IRAK1BP1: variants seen among roughly 807,000 people sequenced by gnomAD.
IRAK1BP1 encodes the protein interleukin 1 receptor associated kinase 1 binding protein 1, also known as interleukin-1 receptor-associated kinase 1-binding protein 1.
Under a neutral mutation model 28.0 loss-of-function variants are expected in IRAK1BP1, and 24 were observed. That is an observed-to-expected ratio of 0.86 (90% CI 0.62 to 1.20). The LOEUF (loss-of-function observed/expected upper bound fraction) is 1.20, where lower values mean the gene tolerates loss of function less well. Among genes scored for constraint, IRAK1BP1 ranks in the 50% most tolerant of loss-of-function variants. The probability of loss-of-function intolerance (pLI) is 0.00; values close to 1 mark genes in which losing one functional copy is unlikely to be tolerated. For missense variants in IRAK1BP1, 336 were observed against 316.7 expected (o/e 1.06, Z -0.46); for synonymous variants, 131 against 116.3 (o/e 1.13, Z -0.81).
the IRAK1BP1 span, among the ~76,000 whole-genome samples, chr6:78,975,536 G>A: frequency 6.6e-6 from 1 of 151,886 alleles, no homozygotes; most frequent in African/African-American, 2.4e-5. Flanking sequence ...CAATTAGGCA[G>A]GAGAAGGAAA....
the IRAK1BP1 span, among the ~76,000 whole-genome samples, chr6:78,976,062 GC>G: frequency 6.6e-6 from 1 of 151,914 alleles, no homozygotes; most frequent in Non-Finnish European, 1.5e-5. Flanking sequence ...GGCCCGCATT[GC>G]CAAGTCAATC....
At chr6:78,935,694 C>T in intron 4 of IRAK1BP1, 2 of 985,070 alleles carry the variant, frequency 2.0e-6, no homozygotes, top group Non-Finnish European at 2.4e-6. Flanking sequence ...TGACAGTTTT[C>T]ACACTTTGCA....
intron 4 of IRAK1BP1, chr6:78,937,245 T>TGA (rs1194206616): frequency 1.3e-5 from 2 of 151,730 alleles, no homozygotes; most frequent in Admixed American, 1.3e-4. Flanking sequence ...AGCTGACATT[T>TGA]GAGAGAGATA....
chr6:78,867,966 C>T, intron 1 of IRAK1BP1, 75 bp downstream of exon 1: 2 of 1,427,604 alleles, frequency 1.4e-6, no homozygotes, highest in East Asian at 2.5e-5. Context: ...CCCCACAGGC[C>T]CCCCTAGCGG....
chr6:78,945,563 A>G, exon 5 of IRAK1BP1: 1 of 1,001,532 alleles, frequency 1.0e-6, no homozygotes, highest in Non-Finnish European at 1.5e-6. Context: ...AAAAAGGTTA[A>G]CCTGAATTAT....
At chr6:78,935,490 G>A (rs999389310) in intron 4 of IRAK1BP1, 1 of 978,344 alleles carries the variant, frequency 1.0e-6, no homozygotes, top group Non-Finnish European at 1.2e-6. Context: ...AAATATTTAT[G>A]CAAAGTGTTC....
the IRAK1BP1 span, among the ~76,000 whole-genome samples, chr6:78,971,998 G>A: frequency 9.9e-3 from 1,491 of 150,594 alleles, 10 homozygotes; most frequent in South Asian, 0.024. Flanking sequence ...CAAAGCAGCC[G>A]GGAAGCTCGA....
At chr6:78,912,037 T>C (rs1772439483) in intron 4 of IRAK1BP1, among the ~76,000 whole-genome samples, 1 of 152,174 alleles carries the variant, frequency 6.6e-6, no homozygotes, top group Admixed American at 6.5e-5. Context: ...ACAGGAATCA[T>C]ACTTGCCTTT....
intron 4 of IRAK1BP1, among the ~76,000 whole-genome samples, chr6:78,931,070 CT>C (rs1773033647): frequency 6.6e-6 from 1 of 152,148 alleles, no homozygotes; most frequent in Non-Finnish European, 1.5e-5. Flanking sequence ...TGTTTTACCA[CT>C]GAATTGGATC....
chr6:78,887,039 A>G (rs1771453806), intron 2 of IRAK1BP1, among the ~76,000 whole-genome samples: 2 of 152,172 alleles, frequency 1.3e-5, no homozygotes, highest in Non-Finnish European at 2.9e-5. Context: ...AAATGTACCA[A>G]CCTAAGCATT....
chr6:78,927,438 C>A (rs1159045638), intron 4 of IRAK1BP1, among the ~76,000 whole-genome samples: 1 of 152,006 alleles, frequency 6.6e-6, no homozygotes, highest in Non-Finnish European at 1.5e-5. Context: ...GGTTATTAAT[C>A]CCTTGTCAGA....
chr6:78,869,776 C>T (rs2127663626), intron 1 of IRAK1BP1, among the ~76,000 whole-genome samples: 1 of 152,214 alleles, frequency 6.6e-6, no homozygotes, highest in South Asian at 2.1e-4. Flanking sequence ...CACTTCCCTG[C>T]TTAAAGGGCT....
At chr6:78,923,716 G>C (rs991044970) in intron 4 of IRAK1BP1, among the ~76,000 whole-genome samples, 1 of 152,096 alleles carries the variant, frequency 6.6e-6, no homozygotes, top group African/African-American at 2.4e-5. Context: ...ATAACAAACT[G>C]TGTCTCAGAC....
At chr6:78,977,528 T>C in the IRAK1BP1 span, among the ~76,000 whole-genome samples, 1 of 152,066 alleles carries the variant, frequency 6.6e-6, no homozygotes, top group Non-Finnish European at 1.5e-5. Context: ...ATTAAAAAAA[T>C]ACCATTATTG....
At chr6:78,952,417 C>CAAAAAAAAAAGAA in the IRAK1BP1 span, among the ~76,000 whole-genome samples, 11 of 59,908 alleles carry the variant, frequency 1.8e-4, no homozygotes, top group Non-Finnish European at 3.3e-4. Context: ...GACTCTGTCC[C>CAAAAAAAAAAGAA]AAAAAAAAAA....
chr6:78,929,627 C>G (rs1324165348), intron 4 of IRAK1BP1, among the ~76,000 whole-genome samples: 2 of 152,174 alleles, frequency 1.3e-5, no homozygotes, highest in Admixed American at 1.3e-4. Flanking sequence ...TATCCCAAAC[C>G]TCCGCAGTAT....
rs141875737 is a variant in IRAK1BP1 at position 78,944,328 on chromosome 6, C to T, written c.*68-1080C>T. ...CAAGGAAGTGTTTTCTCTGTGTGTA[C>T]GTACACACATCCACATGTGCTAGAG... On this transcript the variant is annotated intron_variant and NMD_transcript_variant, in intron 4 of 4. Coordinates refer to the IRAK1BP1 transcript ENST00000606868. 2.0e-4 allele frequency among the ~76,000 whole-genome samples: 31 copies of T among 152,214 alleles called. No homozygotes were observed. The East Asian group carries it at 5.4e-3, about 27-fold the overall frequency.
chr6:78,968,446 G>C, the IRAK1BP1 span, among the ~76,000 whole-genome samples: 1 of 152,110 alleles, frequency 6.6e-6, no homozygotes, highest in Non-Finnish European at 1.5e-5. Flanking sequence ...AGTATTAGTG[G>C]GATGTGAAAT....
At chr6:78,946,440 T>A in exon 5 of IRAK1BP1, 1 of 1,405,978 alleles carries the variant, frequency 7.1e-7, no homozygotes, top group South Asian at 1.6e-5. Flanking sequence ...AGGATCGCTG[T>A]AAATGCTAAA....
Sources: gnomAD v4.1 joint callset for allele counts (sites outside exome capture counted in the v4.1 genomes callset) on GRCh38, gnomAD v4.1.1 for gene constraint, MANE v1.5 for transcripts, NCBI Gene and HGNC (gene_info 2026-07-23, HGNC 2026-07-21) for gene names.